The following PPP1R3F variants were observed in gnomAD, a reference collection of about 807,000 sequenced individuals.
PPP1R3F encodes protein phosphatase 1 regulatory subunit 3F, also known as protein phosphatase 1, regulatory (inhibitor) subunit 3F.
A neutral mutation model predicts 24.2 loss-of-function variants in PPP1R3F; 29 were observed. That is an observed-to-expected ratio of 1.20 (90% CI 0.89 to 1.63). The LOEUF (loss-of-function observed/expected upper bound fraction) is 1.63, where lower values mean the gene tolerates loss of function less well. Among genes scored for constraint, PPP1R3F ranks in the 40% most tolerant of loss-of-function variants. The pLI is 0.00. For missense variants in PPP1R3F, 823 were observed against 729.3 expected (o/e 1.13, Z -1.48); for synonymous variants, 363 against 340.1 (o/e 1.07, Z -0.74).
rs141234347 is a variant in PPP1R3F at position 49,280,123 on chromosome X, C to T, written c.1005-1283C>T. Among the ~76,000 whole-genome samples the T allele has an allele frequency of 7.8e-3, 872 of 111,845 alleles. 2 individuals are homozygous for T. The highest frequency in any genetic ancestry group is 0.01 in the Non-Finnish European group (544 of 53,106). On this transcript the variant is annotated intron_variant, in intron 1 of 3. Coordinates refer to ENST00000055335, the MANE Select transcript of PPP1R3F (RefSeq NM_033215.5). ...GCGACCTGCCAGGCTGATACGGGGA[C>T]GAGAGGGTTAGCATAGGGACCCAGG...
At chrX:49,275,787 T>A (rs910441643) in intron 1 of PPP1R3F, 13 of 111,808 alleles carry the variant, frequency 1.2e-4, no homozygotes, top group African/African-American at 3.9e-4. Flanking sequence ...AGTATTTTTT[T>A]AATGTCTTCC....
chrX:49,274,576 T>C (rs1246474921), intron 1 of PPP1R3F: 2 of 112,399 alleles, frequency 1.8e-5, no homozygotes, highest in African/African-American at 6.5e-5. Context: ...CACCCCAGTG[T>C]CCTCGGGCCC....
intron 3 of PPP1R3F, among the ~76,000 whole-genome samples, chrX:49,283,003 A>AGG (rs1557120904): frequency 1.0e-5 from 1 of 96,927 alleles, no homozygotes; most frequent in African/African-American, 4.3e-5. Flanking sequence ...GACATTTTGG[A>AGG]GGGTGTGTGT....
intron 1 of PPP1R3F, among the ~76,000 whole-genome samples, chrX:49,277,778 G>A (rs1349271751): frequency 8.9e-6 from 1 of 112,442 alleles, no homozygotes; most frequent in South Asian, 3.6e-4. Flanking sequence ...CAGCGTGGTT[G>A]TGTAGTCAGT....
In PPP1R3F at chrX:49,287,190, G is replaced by A; in HGVS notation, c.*100G>A. The A allele has an allele frequency of 1.1e-6, 1 of 881,231 alleles. No individual in the cohort carries two copies. The allele number at this position is 881,231 out of a possible 1,213,427, so 72.6% of individuals were successfully genotyped here. A position where few individuals can be genotyped will look rare whatever the true frequency, so the allele number is the denominator to read the frequency against. Reference sequence around the variant, plus strand: ...CTTCTGAGAATGCTCAACTGAAAGAGAGGCCTTCTCATCCCCAAGCTCTCC... The same window carrying A: ...CTTCTGAGAATGCTCAACTGAAAGAAAGGCCTTCTCATCCCCAAGCTCTCC... On this transcript the variant is annotated 3_prime_UTR_variant, in exon 4 of 4. Transcript: ENST00000055335.
rs111505885 is a variant in PPP1R3F, at chrX:49,270,193, C to T, written c.324C>T (p.Pro108=). The change falls in exon 1 of 4, where the codon CCC becomes CCT. Residue 108 remains proline, a synonymous_variant. Transcript: ENST00000055335. ...CPEPSPLCPV[P]AGGGFYLVPT... Reference sequence around the variant, plus strand: ...AGCCCTCACCGCTGTGCCCCGTCCCCGCTGGCGGGGGGTTTTACCTGGTCC... The same window carrying T: ...AGCCCTCACCGCTGTGCCCCGTCCCTGCTGGCGGGGGGTTTTACCTGGTCC... 0.084 allele frequency: 91,396 copies of T among 1,093,993 alleles called. 3,120 individuals are homozygous for T. The highest frequency in any genetic ancestry group is 0.095 in the Non-Finnish European group (80,751 of 845,825). 90.2% of individuals were successfully genotyped at this position (1,093,993 alleles called of 1,213,427 possible). A position where few individuals can be genotyped will look rare whatever the true frequency, so the allele number is the denominator to read the frequency against.
In PPP1R3F at chrX:49,285,863, C is replaced by T. The variant is rs373594212; in HGVS notation, c.1173C>T (p.Pro391=). 2.4e-5 allele frequency: 28 copies of T among 1,157,961 alleles called. No individual in the cohort carries two copies. Among genetic ancestry groups the T allele is most frequent in the Admixed American group, 1.0e-4 (4 of 38,745 alleles). The change falls in exon 4 of 4, where the codon CCC becomes CCT. Residue 391 remains proline (P), a synonymous_variant. Coordinates refer to ENST00000055335, the MANE Select transcript of PPP1R3F (RefSeq NM_033215.5). The stretch of plus-strand genomic sequence containing the variant: ...CTGACGTTCCGATGACTGGCAACCC[C>T]GCAGAAGAAGGTGATGTCCCCAGAA... ...QVSDVPMTGN[P]AEEGDVPRSS...
intron 3 of PPP1R3F, among the ~76,000 whole-genome samples, chrX:49,294,388 A>C (rs1455836739): frequency 1.9e-5 from 2 of 107,967 alleles, no homozygotes; most frequent in East Asian, 6.0e-4. Context: ...CACCCAGCTA[A>C]ATTTTGTATT....
chrX:49,297,549 C>T (rs1360388133), intron 3 of PPP1R3F, among the ~76,000 whole-genome samples: 5 of 110,552 alleles, frequency 4.5e-5, no homozygotes, highest in Non-Finnish European at 7.6e-5. Context: ...CAGGGTTTCA[C>T]CATGTTAGCC....
At chrX:49,289,897 C>T (rs1397091060), downstream of PPP1R3F, among the ~76,000 whole-genome samples, 1 of 110,950 alleles carries the variant, frequency 9.0e-6, no homozygotes, top group South Asian at 3.8e-4. Context: ...GGGGAAACCC[C>T]GTCTGTACTA....
chrX:49,274,077 C>T (rs782795420), intron 1 of PPP1R3F: 7 of 112,391 alleles, frequency 6.2e-5, no homozygotes, highest in Non-Finnish European at 1.1e-4. Context: ...CCCTGCTCTT[C>T]GCCAGGCACT....
intron 1 of PPP1R3F, among the ~76,000 whole-genome samples, chrX:49,280,144 C>A (rs1254361597): frequency 1.8e-5 from 2 of 111,921 alleles, no homozygotes; most frequent in Non-Finnish European, 3.8e-5. Context: ...GCATAGGGAC[C>A]CAGGCCTCTG....
At chrX:49,283,171 A>G (rs1227228061) in intron 3 of PPP1R3F, among the ~76,000 whole-genome samples, 2 of 111,493 alleles carry the variant, frequency 1.8e-5, no homozygotes, top group Non-Finnish European at 3.8e-5. Context: ...CCTCCCTCCC[A>G]TTCCCTCTGG....
intron 1 of PPP1R3F, among the ~76,000 whole-genome samples, chrX:49,277,153 C>T (rs943009345): frequency 1.8e-5 from 2 of 112,907 alleles, no homozygotes; most frequent in Non-Finnish European, 3.8e-5. Context: ...CTCACCCGCT[C>T]GCTTACTCTG....
intron 3 of PPP1R3F, among the ~76,000 whole-genome samples, chrX:49,293,791 T>C (rs1245464107): frequency 9.1e-6 from 1 of 109,709 alleles, no homozygotes; most frequent in African/African-American, 3.3e-5. Flanking sequence ...AGTCCAGGAG[T>C]TTGAGAGCAG....
At chrX:49,293,064 G>A (rs1450859963), downstream of PPP1R3F, among the ~76,000 whole-genome samples, 2 of 111,516 alleles carry the variant, frequency 1.8e-5, no homozygotes, top group African/African-American at 6.5e-5. Flanking sequence ...GACCAGGTGA[G>A]GTTGTCTCTG....
At chrX:49,295,385 C>T (rs1318163330) in intron 3 of PPP1R3F, among the ~76,000 whole-genome samples, 1 of 111,605 alleles carries the variant, frequency 9.0e-6, no homozygotes, top group African/African-American at 3.3e-5. Flanking sequence ...CTCAAGCGAT[C>T]CCCCCACCTC....
chrX:49,283,005 G>GGTGT lies in PPP1R3F; in HGVS notation c.1143+968_1143+971dup, dbSNP rs58808853. Among the ~76,000 whole-genome samples, 538 of 92,744 alleles carry GGTGT rather than the reference G, an allele frequency of 5.8e-3. 2 individuals are homozygous for GGTGT. The highest frequency in any genetic ancestry group is 0.019 in the African/African-American group (487 of 25,721). 80.5% of individuals were successfully genotyped at this position (92,744 alleles called of 115,157 possible). On this transcript the variant is annotated intron_variant, in intron 3 of 3. Transcript: ENST00000055335. ...TAGGGGAGGTAGAGACATTTTGGAG[G>GGTGT]GTGTGTGTGTGTGTGTGTGTGTGTG...
chrX:49,280,682 A>T (rs2066243185), intron 1 of PPP1R3F: 1 of 109,099 alleles, frequency 9.2e-6, no homozygotes, highest in Non-Finnish European at 1.9e-5. Flanking sequence ...AGTAGTTGGG[A>T]CTATGGGCGT....
Sources: gnomAD v4.1 joint callset for allele counts (sites outside exome capture counted in the v4.1 genomes callset) on GRCh38, gnomAD v4.1.1 for gene constraint, MANE v1.5 for transcripts, NCBI Gene and HGNC (gene_info 2026-07-23, HGNC 2026-07-21) for gene names.